Variants in ANKRD55 observed in about 807,000 individuals in gnomAD.
ANKRD55 encodes the protein ankyrin repeat domain-containing protein 55.
ANKRD55 carries 41 observed loss-of-function variants against 60.6 expected under a neutral mutation model. That is an observed-to-expected ratio of 0.68 (90% CI 0.53 to 0.88). ANKRD55 has a LOEUF of 0.88. ANKRD55 is among the 40% of genes least tolerant of loss of function. ANKRD55 has a pLI of 0.00. For synonymous variants in ANKRD55, 264 were observed against 290.3 expected (o/e 0.91, Z 0.92); for missense variants, 732 against 767.6 (o/e 0.95, Z 0.55).
chr5:56,173,443 C>T (rs1208066784), intron 4 of ANKRD55, among the ~76,000 whole-genome samples: 1 of 151,198 alleles, frequency 6.6e-6, no homozygotes, highest in Non-Finnish European at 1.5e-5. Flanking sequence ...GGTGATCCAC[C>T]TGCCTCGGCC....
chr5:56,201,737 A>G (rs1294430953), intron 2 of ANKRD55, among the ~76,000 whole-genome samples: 1 of 152,212 alleles, frequency 6.6e-6, no homozygotes, highest in East Asian at 1.9e-4. Flanking sequence ...TAGTGGGGTG[A>G]TTCCTCAAAG....
intron 3 of ANKRD55, among the ~76,000 whole-genome samples, chr5:56,181,566 C>G (rs1165473513): frequency 6.6e-6 from 1 of 151,922 alleles, no homozygotes; most frequent in African/African-American, 2.4e-5. Flanking sequence ...TAAAACAAAC[C>G]CTACTTGGTC....
chr5:56,106,036 T>C (rs1756454842), intron 10 of ANKRD55, among the ~76,000 whole-genome samples: 1 of 152,188 alleles, frequency 6.6e-6, no homozygotes, highest in African/African-American at 2.4e-5. Flanking sequence ...TCCCCCATCT[T>C]GCTGCATCCA....
chr5:56,164,381 A>G (rs558397029), intron 5 of ANKRD55, among the ~76,000 whole-genome samples: 1 of 152,230 alleles, frequency 6.6e-6, no homozygotes, highest in Admixed American at 6.5e-5. Flanking sequence ...CCTGTATTAG[A>G]GTGTGCTGCA....
intron 2 of ANKRD55, among the ~76,000 whole-genome samples, chr5:56,216,391 C>G (rs1007077349): frequency 6.6e-6 from 1 of 152,106 alleles, no homozygotes; most frequent in Non-Finnish European, 1.5e-5. Context: ...AACTAATAAC[C>G]CTACAATGGT....
intron 7 of ANKRD55, among the ~76,000 whole-genome samples, chr5:56,130,154 C>T (rs1157592951): frequency 1.3e-5 from 2 of 152,106 alleles, no homozygotes; most frequent in African/African-American, 4.8e-5. Context: ...GGAGAGAGAG[C>T]AGAAGATAGA....
chr5:56,102,847 TACTC>T (rs1397736013), intron 10 of ANKRD55, among the ~76,000 whole-genome samples: 1 of 152,160 alleles, frequency 6.6e-6, no homozygotes. Context: ...CACACTGGGT[TACTC>T]ACCCCATAAA....
chr5:56,131,908 A>G (rs1182941334), intron 7 of ANKRD55, among the ~76,000 whole-genome samples: 1 of 151,762 alleles, frequency 6.6e-6, no homozygotes, highest in Non-Finnish European at 1.5e-5. Flanking sequence ...AGAAGGAATA[A>G]GTGAAGGTAA....
chr5:56,100,083 C>A lies in ANKRD55; in HGVS notation c.*100G>T. 1 of 1,501,608 alleles carries A rather than the reference C, an allele frequency of 6.7e-7. No individual in the cohort carries two copies. Among genetic ancestry groups the A allele is most frequent in the Non-Finnish European group, 9.2e-7 (1 of 1,088,132 alleles). 93.0% of individuals were successfully genotyped at this position (1,501,608 alleles called of 1,614,324 possible). The stretch of plus-strand genomic sequence containing the variant: ...AAAACTGATGGCTTATAGAATGCAG[C>A]TTACTAAATTGGTCTTCGTTCTTAC... On this transcript the variant is annotated 3_prime_UTR_variant, in exon 12 of 12. Transcript: ENST00000341048.
chr5:56,191,608 T>A (rs1043735427), intron 2 of ANKRD55, among the ~76,000 whole-genome samples: 2 of 152,186 alleles, frequency 1.3e-5, no homozygotes, highest in Non-Finnish European at 2.9e-5. Context: ...CTTATAAAAA[T>A]GGACCGAGTC....
intron 2 of ANKRD55, among the ~76,000 whole-genome samples, chr5:56,190,742 C>A (rs74593907): frequency 1.3e-4 from 20 of 152,162 alleles, no homozygotes; most frequent in African/African-American, 4.6e-4. Flanking sequence ...AAGGCAGAAG[C>A]GAGCATCTGA....
intron 2 of ANKRD55, among the ~76,000 whole-genome samples, chr5:56,216,218 A>G (rs1434197746): frequency 1.3e-5 from 2 of 151,990 alleles, no homozygotes; most frequent in African/African-American, 2.4e-5. Context: ...TGATGTTACT[A>G]TTGTAATTGT....
intron 5 of ANKRD55, among the ~76,000 whole-genome samples, chr5:56,161,595 A>C (rs1195611606): frequency 2.9e-4 from 44 of 152,332 alleles, no homozygotes; most frequent in Non-Finnish European, 3.2e-4. Flanking sequence ...GTGGAGGTGA[A>C]ATAACCAGGA....
intron 2 of ANKRD55, among the ~76,000 whole-genome samples, chr5:56,228,083 G>A (rs1581035266): frequency 6.6e-6 from 1 of 152,136 alleles, no homozygotes; most frequent in South Asian, 2.1e-4. Flanking sequence ...GTTGAATGGT[G>A]GCCCTAAAGA....
chr5:56,138,358 T>C (rs915280997), intron 7 of ANKRD55, among the ~76,000 whole-genome samples: 5 of 151,988 alleles, frequency 3.3e-5, no homozygotes, highest in Non-Finnish European at 5.9e-5. Flanking sequence ...AAACTCCTGA[T>C]CTCATGATCC....
Position 56,170,733 on chromosome 5 carries a change from C to T in ANKRD55, c.383G>A (p.Arg128His), listed in dbSNP as rs78025637. The part of the protein sequence containing the change: ...AKHNIPDKNG[R>H]LPLHAATAEP... ...AGCAGTGGCAGCATGCAGTGGCAGG[C>T]GGCCATTTTTATCTGGGATATTGTG... Residue 128 changes from arginine to histidine, a missense_variant, in exon 5 of 12, where the codon CGC becomes CAC. Arg to His is a conservative substitution (Grantham distance 29, BLOSUM62 0). This residue lies in a region of ANKRD55 where 597 missense variants were observed against 607.5 expected (regional missense o/e 0.98). Transcript: ENST00000341048. 113 of 1,611,922 alleles carry T rather than the reference C, an allele frequency of 7.0e-5. No individual in the cohort carries two copies. Among genetic ancestry groups the T allele is most frequent in the South Asian group, 2.3e-4 (21 of 91,070 alleles).
chr5:56,107,779 T>C (rs1417055834), intron 10 of ANKRD55, among the ~76,000 whole-genome samples: 1 of 152,060 alleles, frequency 6.6e-6, no homozygotes, highest in African/African-American at 2.4e-5. Context: ...ACGGGGCACA[T>C]AGATGGAAAG....
At chr5:56,224,501 A>G (rs1418597906) in intron 2 of ANKRD55, among the ~76,000 whole-genome samples, 2 of 152,232 alleles carry the variant, frequency 1.3e-5, no homozygotes, top group African/African-American at 4.8e-5. Flanking sequence ...GCAGAACTGA[A>G]GGAGATAGAG....
chr5:56,106,421 T>TC (rs971118255), intron 10 of ANKRD55, among the ~76,000 whole-genome samples: 1 of 57,316 alleles, frequency 1.7e-5, no homozygotes, highest in Non-Finnish European at 4.0e-5. Context: ...CTAGGAAAGC[T>TC]TTTTTTTTTT....
Sources: gnomAD v4.1 joint callset for allele counts (sites outside exome capture counted in the v4.1 genomes callset) on GRCh38, gnomAD v4.1.1 for gene constraint, gnomAD v4.1.1 regional missense constraint, MANE v1.5 for transcripts, NCBI Gene and HGNC (gene_info 2026-07-23, HGNC 2026-07-21) for gene names.